The following DOCK1 variants were observed in gnomAD, a reference collection of about 807,000 sequenced individuals.
DOCK1 encodes dedicator of cytokinesis protein 1.
DOCK1 carries 138 observed loss-of-function variants against 262.7 expected under a neutral mutation model. That is an observed-to-expected ratio of 0.53 (90% CI 0.46 to 0.61). The LOEUF is 0.61. Among genes scored for constraint, DOCK1 ranks in the 20% least tolerant of loss-of-function variants. The pLI is 0.00. For synonymous variants in DOCK1, 866 were observed against 867.4 expected, an observed-to-expected ratio of 1.00 and a Z score of 0.03; for missense variants, 1,908 against 2,370.7, an observed-to-expected ratio of 0.80 and a Z score of 4.05.
chr10:127,250,057 C>A (rs2059572897), intron 28 of DOCK1, among the ~76,000 whole-genome samples: 1 of 152,268 alleles, frequency 6.6e-6, no homozygotes, highest in East Asian at 1.9e-4. Context: ...CTACACCCGA[C>A]CCCCTGCTTT....
intron 15 of DOCK1, among the ~76,000 whole-genome samples, chr10:127,025,595 T>G (rs2042779575): frequency 6.6e-6 from 1 of 152,056 alleles, no homozygotes; most frequent in South Asian, 2.1e-4. Flanking sequence ...TACAGGCATG[T>G]ACCATGATGC....
chr10:127,205,689 A>G (rs563767303), intron 27 of DOCK1, among the ~76,000 whole-genome samples: 167 of 152,360 alleles, frequency 1.1e-3, no homozygotes, highest in Middle Eastern at 3.4e-3. Flanking sequence ...ACATTTTTAA[A>G]CATTGCTGAA....
At chr10:126,950,759 T>C (rs1282570891) in intron 1 of DOCK1, among the ~76,000 whole-genome samples, 1 of 152,112 alleles carries the variant, frequency 6.6e-6, no homozygotes, top group Non-Finnish European at 1.5e-5. Context: ...TTAGCCCCAC[T>C]TCATAGGGTT....
At chr10:126,990,001 C>T (rs558306142) in intron 5 of DOCK1, among the ~76,000 whole-genome samples, 1 of 152,274 alleles carries the variant, frequency 6.6e-6, no homozygotes, top group East Asian at 1.9e-4. Flanking sequence ...AGTTCAGGTT[C>T]TCAGTGTGCT....
intron 26 of DOCK1, 95 bp downstream of exon 26, chr10:127,125,696 T>A (rs2049908076): frequency 6.6e-7 from 1 of 1,508,368 alleles, no homozygotes; most frequent in Admixed American, 2.3e-5. Flanking sequence ...TGAAAGGTCT[T>A]GATTTTAAGG....
At position 127,068,432 on chromosome 10, in the gene DOCK1, T is replaced by C. The variant is rs1305064971; in HGVS notation, c.2445+6656T>C. On this transcript the variant is annotated intron_variant, in intron 23 of 51. Transcript: ENST00000623213. ...TTCACTGAGTAACTTTGGGCCTGTC[T>C]GGCACCTCTCCTACAGCAGCTCCTG... Among the ~76,000 whole-genome samples, 4 of 152,204 alleles carry C rather than the reference T, an allele frequency of 2.6e-5. No homozygotes were observed. The East Asian group carries it at 7.7e-4, about 29-fold the overall frequency.
intron 1 of DOCK1, among the ~76,000 whole-genome samples, chr10:126,952,705 G>A (rs1490718769): frequency 6.6e-6 from 1 of 151,488 alleles, no homozygotes; most frequent in African/African-American, 2.4e-5. Flanking sequence ...TGGTGATGTG[G>A]TAGTATTGTT....
chr10:127,359,318 G>A (rs1017970265), intron 32 of DOCK1, among the ~76,000 whole-genome samples: 4 of 152,180 alleles, frequency 2.6e-5, no homozygotes, highest in Admixed American at 1.3e-4. Flanking sequence ...AAAAGGTTAA[G>A]CTACTGTCGT....
chr10:127,212,300 C>T (rs975427297), intron 27 of DOCK1, among the ~76,000 whole-genome samples: 9 of 152,142 alleles, frequency 5.9e-5, no homozygotes. Context: ...AAGGAAACTT[C>T]TACCTGGCCA....
In DOCK1 at chr10:127,204,290, G is replaced by T. The variant is rs528300014; in HGVS notation, c.2848-43718G>T. Among the ~76,000 whole-genome samples the T allele has an allele frequency of 3.9e-5, 6 of 152,258 alleles. No individual in the cohort carries two copies. In the East Asian group the frequency reaches 1.2e-3, roughly 29 times the overall value. On this transcript the variant is annotated intron_variant, in intron 27 of 51. Coordinates refer to ENST00000623213, the MANE Select transcript of DOCK1 (RefSeq NM_001290223.2). ...GAAACTTGAAAATCTGTTTTGTTTT[G>T]TTTGGTTTGGTTTTGAGATGGAGTC...
intron 1 of DOCK1, among the ~76,000 whole-genome samples, chr10:126,938,966 G>A (rs1329295614): frequency 1.2e-5 from 1 of 86,604 alleles, no homozygotes; most frequent in Admixed American, 1.5e-4. Flanking sequence ...ACACCTGGGG[G>A]GACAAACACC....
rs192598662 is a variant in DOCK1, at chr10:126,922,112, T to C, written c.46+16549T>C. Among the ~76,000 whole-genome samples, 868 of 146,578 alleles carry C rather than the reference T, an allele frequency of 5.9e-3. 6 individuals carry two copies. Among genetic ancestry groups the C allele is most frequent in the African/African-American group, 0.021 (812 of 39,368 alleles). On this transcript the variant is annotated intron_variant, in intron 1 of 51. Coordinates refer to ENST00000623213, the MANE Select transcript of DOCK1 (RefSeq NM_001290223.2). ...CTGTAGTCCCAGCTATTCAAAAGGC[T>C]GAGGTGGGAGGATTATGTCCCTGGA... is the stretch of plus-strand genomic sequence containing the variant.
intron 5 of DOCK1, among the ~76,000 whole-genome samples, chr10:126,989,605 G>T (rs771519803): frequency 6.6e-6 from 1 of 152,138 alleles, no homozygotes; most frequent in Non-Finnish European, 1.5e-5. Flanking sequence ...AGGATTATAG[G>T]CCGGAGCTAC....
intron 22 of DOCK1, among the ~76,000 whole-genome samples, chr10:127,059,224 T>C (rs2045373796): frequency 6.6e-6 from 1 of 152,210 alleles, no homozygotes; most frequent in Non-Finnish European, 1.5e-5. Context: ...TCTTTCTTGC[T>C]GCTTTTAGTT....
chr10:127,251,950 C>A (rs1006928432), intron 28 of DOCK1, among the ~76,000 whole-genome samples: 1 of 152,068 alleles, frequency 6.6e-6, no homozygotes, highest in Non-Finnish European at 1.5e-5. Context: ...CCCTGAGGAT[C>A]TAGAAGCCAC....
intron 27 of DOCK1, among the ~76,000 whole-genome samples, chr10:127,234,468 C>T (rs997465556): frequency 1.2e-4 from 19 of 152,144 alleles, no homozygotes; most frequent in African/African-American, 4.6e-4. Context: ...GTTAAAGATC[C>T]GTATGATGAA....
intron 47 of DOCK1, among the ~76,000 whole-genome samples, chr10:127,432,395 G>T (rs547488353): frequency 6.9e-6 from 1 of 144,588 alleles, no homozygotes; most frequent in South Asian, 2.4e-4. Context: ...GTCTTCTGTA[G>T]TTGATTGGCT....
chr10:127,445,865 C>G lies in DOCK1; in HGVS notation c.5414-1529C>G, dbSNP rs192504614. 3.3e-5 allele frequency among the ~76,000 whole-genome samples: 5 copies of G among 152,336 alleles called. No individual in the cohort carries two copies. In the South Asian group the frequency reaches 1.0e-3, roughly 32 times the overall value. On this transcript the variant is annotated intron_variant, in intron 50 of 51. Transcript: ENST00000623213. ...TGAAGTTCTGACACGTGCTACAGCA[C>G]GGACGAACCTCAGAACCATGATGCT...
chr10:127,390,454 A>G (rs1299752378), intron 38 of DOCK1, among the ~76,000 whole-genome samples: 1 of 152,204 alleles, frequency 6.6e-6, no homozygotes, highest in African/African-American at 2.4e-5. Flanking sequence ...ATTTGGAGAT[A>G]GGGTCTTTAA....
Sources: allele counts gnomAD v4.1 joint callset (sites outside exome capture counted in the v4.1 genomes callset), GRCh38; gene constraint gnomAD v4.1.1; transcripts MANE v1.5; gene names NCBI Gene and HGNC (gene_info 2026-07-23, HGNC 2026-07-21).